Variants in EIF5B observed in about 807,000 individuals in gnomAD.
EIF5B encodes the protein eukaryotic translation initiation factor 5B.
Under a neutral mutation model 147.5 loss-of-function variants are expected in EIF5B, and 47 were observed. That is an observed-to-expected ratio of 0.32 (90% CI 0.25 to 0.41). EIF5B has a LOEUF of 0.41. EIF5B is among the 10% of genes least tolerant of loss of function. The pLI, the probability that EIF5B is intolerant of heterozygous loss-of-function variation, is 1.00. For missense variants in EIF5B, 1,064 were observed against 1,413.2 expected (o/e 0.75, Z 3.96); for synonymous variants, 455 against 456.2 (o/e 1.00, Z 0.03).
chr2:99,383,239 A>G (rs1240099425), intron 14 of EIF5B, among the ~76,000 whole-genome samples: 1 of 152,154 alleles, frequency 6.6e-6, no homozygotes, highest in East Asian at 1.9e-4. Flanking sequence ...TACATTTGTT[A>G]GGTTATCTGG....
chr2:99,363,890 G>T, intron 5 of EIF5B, 28 bp downstream of exon 5: 1 of 1,579,268 alleles, frequency 6.3e-7, no homozygotes, highest in Non-Finnish European at 8.6e-7. Context: ...TGGTAACATT[G>T]ATATTGTGTT....
intron 23 of EIF5B, 83 bp from the exon 24 acceptor site, chr2:99,399,224 T>C: frequency 7.7e-7 from 1 of 1,300,288 alleles, no homozygotes; most frequent in Non-Finnish European, 1.1e-6. Context: ...TTTAGTACAG[T>C]GAGAGCGGGC....
chr2:99,375,451 G>T (rs1019293355), intron 9 of EIF5B, among the ~76,000 whole-genome samples: 1 of 152,158 alleles, frequency 6.6e-6, no homozygotes, highest in Admixed American at 6.5e-5. Context: ...TATTCCTAGG[G>T]TACAGCTCTT....
intron 17 of EIF5B, among the ~76,000 whole-genome samples, chr2:99,391,799 A>G (rs2104249588): frequency 6.8e-6 from 1 of 146,862 alleles, no homozygotes; most frequent in African/African-American, 2.5e-5. Flanking sequence ...GTGCAGTCAC[A>G]GTTCACTGCA....
At position 99,361,801 on chromosome 2, in the gene EIF5B, G is replaced by C; in HGVS notation, c.900G>C (p.Glu300Asp). 1 of 1,553,542 alleles carries C rather than the reference G, an allele frequency of 6.4e-7. No homozygotes were observed. Among genetic ancestry groups the C allele is most frequent in the Non-Finnish European group, 8.6e-7 (1 of 1,160,708 alleles). The stretch of plus-strand genomic sequence containing the variant: ...TTCCTGCCTCTGAAGAGAAAGCAGA[G>C]ACTCCCACAGCTGCAGAAGGTTGGT... ...GVIPASEEKAETPTAAEDDNE... is the reference protein window; with the variant it reads ...GVIPASEEKADTPTAAEDDNE... Residue 300 changes from glutamate (E) to aspartate (D), a missense_variant, in exon 4 of 24, where the codon GAG becomes GAC. Coordinates refer to ENST00000289371, the MANE Select transcript of EIF5B (RefSeq NM_015904.4).
intron 14 of EIF5B, among the ~76,000 whole-genome samples, chr2:99,385,272 C>T (rs552484980): frequency 3.9e-5 from 6 of 152,258 alleles, no homozygotes; most frequent in South Asian, 4.1e-4. Context: ...CTTGAACTTC[C>T]GAGCTCAGGT....
chr2:99,378,581 CT>C (rs1373611132), intron 10 of EIF5B, among the ~76,000 whole-genome samples: 1 of 152,160 alleles, frequency 6.6e-6, no homozygotes, highest in Non-Finnish European at 1.5e-5. Context: ...CTTTAAAAAT[CT>C]TTAAAATTCT....
At chr2:99,343,028 T>C (rs557427351) in intron 1 of EIF5B, among the ~76,000 whole-genome samples, 7 of 151,238 alleles carry the variant, frequency 4.6e-5, no homozygotes, top group Admixed American at 2.6e-4. Context: ...TGGCGTGATA[T>C]TGGCTCACTG....
intron 8 of EIF5B, among the ~76,000 whole-genome samples, chr2:99,370,679 A>C (rs1315144865): frequency 6.6e-6 from 1 of 152,226 alleles, no homozygotes; most frequent in Admixed American, 6.5e-5. Flanking sequence ...TTAGTAAATA[A>C]TGATTATTTC....
rs1286877656 is a variant in EIF5B, at chr2:99,400,290, T to C, written c.*876T>C. The C allele has an allele frequency of 6.6e-6, 1 of 151,968 alleles. No individual in the cohort carries two copies. Among genetic ancestry groups the C allele is most frequent in the Non-Finnish European group, 1.5e-5 (1 of 68,038 alleles). The allele number at this position is 151,968 out of a possible 1,614,324, so 9.4% of individuals were successfully genotyped here. ...ATCTTGATCTGTTTTAATCTTGATCTGTTTTGTCCTAGAAAATTCCATCAT... is the reference window on the plus strand; with the variant it reads ...ATCTTGATCTGTTTTAATCTTGATCCGTTTTGTCCTAGAAAATTCCATCAT... On this transcript the variant is annotated 3_prime_UTR_variant, in exon 24 of 24. Coordinates refer to ENST00000289371, the MANE Select transcript of EIF5B (RefSeq NM_015904.4).
chr2:99,344,404 T>TTTTTTG (rs1553532795), intron 1 of EIF5B, among the ~76,000 whole-genome samples: 1 of 149,414 alleles, frequency 6.7e-6, no homozygotes, highest in Non-Finnish European at 1.5e-5. Context: ...GCCACCACAG[T>TTTTTTG]TTGTTGTTGT....
intron 14 of EIF5B, among the ~76,000 whole-genome samples, chr2:99,385,382 T>C (rs757618954): frequency 5.9e-5 from 9 of 152,204 alleles, no homozygotes; most frequent in Non-Finnish European, 1.0e-4. Context: ...AGTTAATTGA[T>C]GGGACAGACT....
chr2:99,352,847 C>T (rs1674000536), intron 1 of EIF5B, among the ~76,000 whole-genome samples: 2 of 151,888 alleles, frequency 1.3e-5, no homozygotes, highest in Non-Finnish European at 2.9e-5. Flanking sequence ...ATAGTTGAGA[C>T]AGGGTCTCAC....
intron 14 of EIF5B, 139 bp from the exon 15 acceptor site, chr2:99,389,579 T>G (rs1312115112): frequency 7.7e-6 from 5 of 647,850 alleles, no homozygotes; most frequent in Non-Finnish European, 1.1e-5. Context: ...AAAGGAGCTT[T>G]TGGTACAATA....
In EIF5B at chr2:99,363,752, G is replaced by A. The variant is rs772571739; in HGVS notation, c.1027G>A (p.Ala343Thr). The A allele has an allele frequency of 6.2e-7, 1 of 1,613,908 alleles. No individual in the cohort carries two copies. Residue 343 changes from alanine (A) to threonine (T), a missense_variant, in exon 5 of 24, where the codon GCT becomes ACT. This residue lies in a region of EIF5B where 458 missense variants were observed against 451.3 expected (regional missense o/e 1.01). Transcript: ENST00000289371. ...AGGACCTAGCAAAGCCACTGTTAAA[G>A]CTATGCAAGAAGCTCTGGCTAAGCT... Reference protein sequence around the residue: ...KKGPSKATVKAMQEALAKLKE... With the variant: ...KKGPSKATVKTMQEALAKLKE...
Position 99,400,606 on chromosome 2 carries a change from A to G in EIF5B, c.*1192A>G, listed in dbSNP as rs2104280267. 1 of 152,334 alleles carries G rather than the reference A, an allele frequency of 6.6e-6. No individual in the cohort carries two copies. The highest frequency in any genetic ancestry group is 1.5e-5 in the Non-Finnish European group (1 of 68,024). The allele number at this position is 152,334 out of a possible 1,614,324, so 9.4% of individuals were successfully genotyped here. ...TTCTCAATGGCCAGTAGAAGCAAAA[A>G]GACAACACCACCTCTGATCTACGGG... On this transcript the variant is annotated 3_prime_UTR_variant, in exon 24 of 24. Transcript: ENST00000289371.
Position 99,370,020 on chromosome 2 carries a change from A to G in EIF5B, c.1477+539A>G, listed in dbSNP as rs79596663. On this transcript the variant is annotated intron_variant, in intron 8 of 23. Coordinates refer to ENST00000289371, the MANE Select transcript of EIF5B (RefSeq NM_015904.4). ...AGGAAGAAAGGATAGTAGGTTTTGG[A>G]TTTTCTCTGATGCTTTTATTTATGA... 3.1e-3 allele frequency among the ~76,000 whole-genome samples: 465 copies of G among 152,144 alleles called. 13 individuals carry two copies. The East Asian group carries it at 0.053, about 17-fold the overall frequency.
chr2:99,396,990 C>T, intron 22 of EIF5B, 92 bp downstream of exon 22: 2 of 1,437,068 alleles, frequency 1.4e-6, no homozygotes, highest in Middle Eastern at 1.8e-4. Context: ...GCCTGTAGTT[C>T]ACAGTACTGT....
intron 1 of EIF5B, among the ~76,000 whole-genome samples, chr2:99,359,500 T>C (rs1435441988): frequency 6.6e-6 from 1 of 152,242 alleles, no homozygotes; most frequent in Admixed American, 6.5e-5. Flanking sequence ...CTGCCTTTGC[T>C]ACTTGGACAT....
Sources: gnomAD v4.1 joint callset for allele counts (sites outside exome capture counted in the v4.1 genomes callset) on GRCh38, gnomAD v4.1.1 for gene constraint, gnomAD v4.1.1 regional missense constraint, MANE v1.5 for transcripts, NCBI Gene and HGNC (gene_info 2026-07-23, HGNC 2026-07-21) for gene names.